Variants in HYDIN observed in about 807,000 individuals in gnomAD.
HYDIN encodes axonemal central pair apparatus protein HYDIN.
HYDIN carries 132 observed loss-of-function variants against 403.9 expected under a neutral mutation model. That is an observed-to-expected ratio of 0.33 (90% CI 0.28 to 0.38). The LOEUF (loss-of-function observed/expected upper bound fraction) is 0.38. Among genes scored for constraint, HYDIN ranks in the 10% least tolerant of loss-of-function variants. The pLI is 1.00. For missense variants in HYDIN, 2,827 were observed against 5,009.5 expected (o/e 0.56, Z 13.15); for synonymous variants, 1,202 against 1,891.7 (o/e 0.64, Z 9.46).
intron 60 of HYDIN, among the ~76,000 whole-genome samples, chr16:70,882,056 G>C (rs1257441601): frequency 1.3e-5 from 2 of 152,266 alleles, no homozygotes; most frequent in Non-Finnish European, 2.9e-5. Context: ...ATTTCATCTT[G>C]TATGTGGATG....
intron 7 of HYDIN, among the ~76,000 whole-genome samples, chr16:71,148,379 G>C (rs1205223615): frequency 6.6e-6 from 1 of 152,148 alleles, no homozygotes; most frequent in Non-Finnish European, 1.5e-5. Context: ...CTAATGTCTA[G>C]CCTGTGGAAG....
chr16:71,090,721 T>A (rs1466874738), intron 11 of HYDIN, among the ~76,000 whole-genome samples: 5 of 152,002 alleles, frequency 3.3e-5, no homozygotes, highest in Non-Finnish European at 7.4e-5. Context: ...CCCAGGCTGG[T>A]CTTGAACTCC....
chr16:71,175,462 C>A (rs1427400812), intron 5 of HYDIN, 145 bp downstream of exon 5: 2 of 865,346 alleles, frequency 2.3e-6, no homozygotes, highest in Non-Finnish European at 3.6e-6. Flanking sequence ...CCAACAACAA[C>A]AACACAAATG....
At chr16:71,032,021 A>T (rs1320717806) in intron 18 of HYDIN, 104 bp from the exon 19 acceptor site, 20 of 549,468 alleles carry the variant, frequency 3.6e-5, no homozygotes, top group Non-Finnish European at 3.6e-5. Flanking sequence ...GTGGAATTCA[A>T]CATCAGAGAC....
intron 74 of HYDIN, 46 bp from the exon 75 acceptor site, chr16:70,849,993 T>A: frequency 1.7e-6 from 1 of 592,822 alleles, no homozygotes; most frequent in Non-Finnish European, 3.0e-6. Context: ...ATAGTTCCCT[T>A]GTCTGGGGTC....
At chr16:71,085,634 C>T (rs192921295) in intron 12 of HYDIN, among the ~76,000 whole-genome samples, 2 of 152,234 alleles carry the variant, frequency 1.3e-5, no homozygotes, top group South Asian at 2.1e-4. Context: ...TATTTTGGTG[C>T]TCTGTTATCA....
chr16:71,139,853 T>G (rs1452862705), intron 7 of HYDIN, among the ~76,000 whole-genome samples: 1 of 151,474 alleles, frequency 6.6e-6, no homozygotes, highest in Non-Finnish European at 1.5e-5. Flanking sequence ...CTAAGAATTT[T>G]GTTTGGAATT....
intron 56 of HYDIN, 90 bp downstream of exon 56, chr16:70,892,271 G>A (rs551733746): frequency 1.1e-5 from 17 of 1,485,486 alleles, no homozygotes; most frequent in South Asian, 4.3e-5. Flanking sequence ...TTTTCTCCCT[G>A]GAGCATGGAT....
At chr16:71,021,147 T>C (rs2080474853) in intron 21 of HYDIN, among the ~76,000 whole-genome samples, 1 of 151,808 alleles carries the variant, frequency 6.6e-6, no homozygotes, top group Non-Finnish European at 1.5e-5. Flanking sequence ...CCTGTAAACT[T>C]TTCCTGATAA....
At chr16:71,139,272 T>A (rs368641631) in intron 7 of HYDIN, among the ~76,000 whole-genome samples, 4 of 152,088 alleles carry the variant, frequency 2.6e-5, no homozygotes, top group Admixed American at 2.6e-4. Flanking sequence ...GAAACTCAAT[T>A]TTTTGGGGGG....
intron 1 of HYDIN, among the ~76,000 whole-genome samples, chr16:71,220,952 G>T (rs2089169540): frequency 6.6e-6 from 1 of 152,114 alleles, no homozygotes; most frequent in Non-Finnish European, 1.5e-5. Flanking sequence ...AGACCATAAG[G>T]AATTATCTAG....
chr16:70,970,043 T>G (rs2143979885), intron 36 of HYDIN, among the ~76,000 whole-genome samples: 1 of 43,958 alleles, frequency 2.3e-5, no homozygotes. Context: ...AATGGAATTT[T>G]AAATAATGTT....
chr16:71,065,825 G>A (rs1791240588), intron 15 of HYDIN, among the ~76,000 whole-genome samples: 2 of 152,348 alleles, frequency 1.3e-5, no homozygotes, highest in South Asian at 4.1e-4. Context: ...TGGCTCTCAG[G>A]AGAGAGTTAC....
chr16:70,917,456 T>TTA (rs1262074278), intron 47 of HYDIN, among the ~76,000 whole-genome samples: 1 of 151,756 alleles, frequency 6.6e-6, no homozygotes, highest in Non-Finnish European at 1.5e-5. Flanking sequence ...TGTGCATGGT[T>TTA]TATAGAAGGC....
chr16:71,038,937 G>T (rs2144187403), intron 18 of HYDIN, among the ~76,000 whole-genome samples: 1 of 152,224 alleles, frequency 6.6e-6, no homozygotes. Flanking sequence ...GGGATTACAG[G>T]CCCTTTCTCC....
chr16:71,070,986 G>C (rs1512606), intron 13 of HYDIN, among the ~76,000 whole-genome samples: 1 of 152,166 alleles, frequency 6.6e-6, no homozygotes, highest in African/African-American at 2.4e-5. Flanking sequence ...CACTTGAAGG[G>C]TTATTCTTGG....
chr16:71,170,369 A>T (rs1247290118), intron 5 of HYDIN, among the ~76,000 whole-genome samples: 1 of 152,210 alleles, frequency 6.6e-6, no homozygotes, highest in Non-Finnish European at 1.5e-5. Flanking sequence ...AAAACATAAC[A>T]GACATTTTGT....
At chr16:71,065,684 G>C (rs2082240522) in intron 15 of HYDIN, among the ~76,000 whole-genome samples, 1 of 152,128 alleles carries the variant, frequency 6.6e-6, no homozygotes, top group South Asian at 2.1e-4. Flanking sequence ...GGTAAAATGA[G>C]GATAATTCTA....
intron 52 of HYDIN, among the ~76,000 whole-genome samples, chr16:70,902,821 A>ATATTTTTTTTTTTTTTTTTTTTTTT: frequency 2.1e-5 from 1 of 47,314 alleles, no homozygotes; most frequent in East Asian, 5.5e-4. Flanking sequence ...ATATATATAT[A>ATATTTTTTTTTTTTTTTTTTTTTTT]TTTTTTTTTT....
Sources: gnomAD v4.1 joint callset for allele counts (sites outside exome capture counted in the v4.1 genomes callset) on GRCh38, gnomAD v4.1.1 for gene constraint, MANE v1.5 for transcripts, NCBI Gene and HGNC (gene_info 2026-07-23, HGNC 2026-07-21) for gene names.